The following PRKCH variants were observed in gnomAD, a reference collection of about 807,000 sequenced individuals.
PRKCH encodes the protein protein kinase C eta, also known as protein kinase C eta type.
PRKCH carries 28 observed loss-of-function variants against 82.5 expected under a neutral mutation model. The observed-to-expected ratio is 0.34, with a 90% CI of 0.25 to 0.47. PRKCH has a LOEUF of 0.47. PRKCH is among the 20% of genes least tolerant of loss of function. The pLI is 1.00. For missense variants in PRKCH, 705 were observed against 881.8 expected, an observed-to-expected ratio of 0.80 and a Z score of 2.54; for synonymous variants, 322 against 327.4, an observed-to-expected ratio of 0.98 and a Z score of 0.18.
chr14:61,205,063 C>CTCCT (rs1330690420), intron 1 of PRKCH, among the ~76,000 whole-genome samples: 1 of 152,152 alleles, frequency 6.6e-6, no homozygotes, highest in East Asian at 1.9e-4. Context: ...GTCCTGGGTT[C>CTCCT]TCCTTGGGAC....
chr14:61,458,912 A>G (rs150684860), intron 9 of PRKCH, among the ~76,000 whole-genome samples: 1 of 152,286 alleles, frequency 6.6e-6, no homozygotes, highest in Non-Finnish European at 1.5e-5. Context: ...TTCCAATTCA[A>G]CATGAGATCT....
intron 1 of PRKCH, among the ~76,000 whole-genome samples, chr14:61,372,111 A>G (rs571197967): frequency 6.6e-6 from 1 of 151,980 alleles, no homozygotes; most frequent in Admixed American, 6.5e-5. Context: ...TCACATCCTT[A>G]TTCTTTCTGG....
chr14:61,411,961 A>G (rs1029860572), intron 2 of PRKCH, among the ~76,000 whole-genome samples: 27 of 152,234 alleles, frequency 1.8e-4, no homozygotes, highest in Admixed American at 1.2e-3. Context: ...AGTAGAGTAC[A>G]TAGAAGGGCC....
intron 1 of PRKCH, chr14:61,298,680 G>A (rs935379789): frequency 6.6e-6 from 1 of 152,134 alleles, no homozygotes; most frequent in African/African-American, 2.4e-5. Context: ...CCCTGTTTCA[G>A]TACGTAGATA....
At chr14:61,293,970 A>T (rs1240636783) in intron 1 of PRKCH, among the ~76,000 whole-genome samples, 3 of 152,032 alleles carry the variant, frequency 2.0e-5, no homozygotes, top group African/African-American at 7.3e-5. Context: ...ATGTCATCCC[A>T]CTAACGTGGC....
At chr14:61,203,500 C>T (rs903487440) in intron 1 of PRKCH, among the ~76,000 whole-genome samples, 2 of 152,040 alleles carry the variant, frequency 1.3e-5, no homozygotes, top group African/African-American at 2.4e-5. Context: ...ATTTGTGAGG[C>T]ACTCAAAAAT....
At chr14:61,329,096 C>T (rs2045744994) in intron 1 of PRKCH, among the ~76,000 whole-genome samples, 2 of 151,896 alleles carry the variant, frequency 1.3e-5, no homozygotes, top group South Asian at 4.1e-4. Context: ...TAAGTGGAAA[C>T]AATCCCTGTC....
intron 2 of PRKCH, among the ~76,000 whole-genome samples, chr14:61,395,290 G>GCCT (rs1555383075): frequency 1.6e-5 from 2 of 124,258 alleles, no homozygotes; most frequent in Admixed American, 1.7e-4. Context: ...AGGAAATGGA[G>GCCT]CCCCCCCCCG....
At chr14:61,379,225 A>G (rs2046466005) in intron 1 of PRKCH, among the ~76,000 whole-genome samples, 1 of 146,650 alleles carries the variant, frequency 6.8e-6, no homozygotes, top group African/African-American at 2.5e-5. Context: ...CCCCAGGTCC[A>G]CTTGGAAAAC....
intron 1 of PRKCH, among the ~76,000 whole-genome samples, chr14:61,330,549 A>T (rs897993782): frequency 3.3e-5 from 5 of 152,242 alleles, no homozygotes; most frequent in Non-Finnish European, 7.3e-5. Context: ...ATAATCATAG[A>T]TGTTGAAGCA....
chr14:61,496,167 T>C (rs1886659119), intron 10 of PRKCH, among the ~76,000 whole-genome samples: 1 of 152,230 alleles, frequency 6.6e-6, no homozygotes, highest in Admixed American at 6.5e-5. Context: ...CTTTCTGCAA[T>C]ACAGAATGCT....
intron 2 of PRKCH, among the ~76,000 whole-genome samples, chr14:61,397,582 A>G (rs562234411): frequency 8.9e-4 from 136 of 152,344 alleles, no homozygotes; most frequent in Non-Finnish European, 1.6e-3. Context: ...CAAACCAACC[A>G]AACTATGCTG....
intron 2 of PRKCH, among the ~76,000 whole-genome samples, chr14:61,440,773 C>T (rs939642787): frequency 2.0e-5 from 3 of 152,020 alleles, no homozygotes; most frequent in Non-Finnish European, 4.4e-5. Flanking sequence ...GCTTGGGAGG[C>T]TGAGGCAGGA....
intron 13 of PRKCH, 141 bp from the exon 14 acceptor site, chr14:61,549,544 C>G: frequency 1.0e-6 from 1 of 957,804 alleles, no homozygotes; most frequent in Non-Finnish European, 1.6e-6. Context: ...ACAGTTTCAT[C>G]ATAACAATAA....
intron 1 of PRKCH, among the ~76,000 whole-genome samples, chr14:61,297,009 A>C (rs143018688): frequency 1.2e-3 from 187 of 152,370 alleles, no homozygotes; most frequent in African/African-American, 4.3e-3. Context: ...AAGGGCAGTT[A>C]ACTATGCAAT....
intron 1 of PRKCH, among the ~76,000 whole-genome samples, chr14:61,253,642 A>G (rs900885737): frequency 1.3e-5 from 2 of 152,244 alleles, no homozygotes; most frequent in African/African-American, 4.8e-5. Context: ...TCAGGGGCAC[A>G]GCAAAGGCAG....
intron 9 of PRKCH, among the ~76,000 whole-genome samples, chr14:61,468,791 G>A (rs1885374199): frequency 6.6e-6 from 1 of 152,148 alleles, no homozygotes; most frequent in African/African-American, 2.4e-5. Flanking sequence ...TGCTAAGATA[G>A]TATAATTTAA....
At chr14:61,324,606 T>C (rs571842707) in intron 1 of PRKCH, among the ~76,000 whole-genome samples, 1 of 152,250 alleles carries the variant, frequency 6.6e-6, no homozygotes, top group East Asian at 1.9e-4. Context: ...TAAAAAAGTA[T>C]CCTTTATAGG....
intron 11 of PRKCH, 83 bp downstream of exon 11, chr14:61,529,296 A>C (rs1265872550): frequency 1.3e-6 from 2 of 1,489,330 alleles, no homozygotes; most frequent in African/African-American, 2.8e-5. Context: ...GCTTTTATGC[A>C]CTGCAGCTTT....
Sources: gnomAD v4.1 joint callset for allele counts (sites outside exome capture counted in the v4.1 genomes callset) on GRCh38, gnomAD v4.1.1 for gene constraint, MANE v1.5 for transcripts, NCBI Gene and HGNC (gene_info 2026-07-23, HGNC 2026-07-21) for gene names.